Variants in CAST observed in about 807,000 individuals in gnomAD.
CAST encodes the protein calpastatin, also known as MIR583 host.
In CAST, 76 loss-of-function variants were observed where a neutral mutation model predicts 119.6. That is an observed-to-expected ratio of 0.64 (90% CI 0.53 to 0.77). The LOEUF (loss-of-function observed/expected upper bound fraction) is 0.77, where lower values mean the gene tolerates loss of function less well. Ranked by LOEUF, CAST falls within the 30% of genes least tolerant of loss-of-function variation. The pLI, the probability that CAST is intolerant of heterozygous loss-of-function variation, is 0.00. For missense variants in CAST, 953 were observed against 946.5 expected (o/e 1.01, Z -0.09); for synonymous variants, 319 against 331.6 (o/e 0.96, Z 0.41).
At chr5:96,630,687 G>A (rs1315610012) in intron 1 of CAST, among the ~76,000 whole-genome samples, 1 of 152,180 alleles carries the variant, frequency 6.6e-6, no homozygotes, top group Non-Finnish European at 1.5e-5. Flanking sequence ...TTGGGAGGCT[G>A]AGGTGGGAGG....
chr5:96,765,430 A>T (rs1281258653), intron 26 of CAST, 105 bp downstream of exon 26: 1 of 619,682 alleles, frequency 1.6e-6, no homozygotes. Context: ...AACTTAACCT[A>T]TATTTTAAAC....
chr5:96,353,831 T>C, the CAST span, among the ~76,000 whole-genome samples: 2 of 151,936 alleles, frequency 1.3e-5, no homozygotes, highest in Non-Finnish European at 2.9e-5. Context: ...TCAACCTCCA[T>C]AATTGCATGA....
chr5:96,734,349 C>T (rs1761209082), intron 9 of CAST, among the ~76,000 whole-genome samples: 2 of 152,116 alleles, frequency 1.3e-5, no homozygotes, highest in African/African-American at 4.8e-5. Context: ...TGAATCCGAG[C>T]TGCAGAAGGA....
the CAST span, among the ~76,000 whole-genome samples, chr5:96,404,436 C>T: frequency 2.0e-5 from 3 of 152,154 alleles, no homozygotes; most frequent in Admixed American, 1.3e-4. Flanking sequence ...TGAGAAACAT[C>T]GCTTTGGGGA....
chr5:96,506,521 G>A, the CAST span, among the ~76,000 whole-genome samples: 2 of 152,184 alleles, frequency 1.3e-5, no homozygotes, highest in Non-Finnish European at 2.9e-5. Flanking sequence ...CAACACATAT[G>A]TAGGGAACTG....
intron 1 of CAST, among the ~76,000 whole-genome samples, chr5:96,604,132 A>G (rs938448232): frequency 6.6e-6 from 1 of 152,146 alleles, no homozygotes; most frequent in Non-Finnish European, 1.5e-5. Flanking sequence ...TGAGTAATGC[A>G]TTGTGCTACA....
the CAST span, among the ~76,000 whole-genome samples, chr5:96,315,222 T>C: frequency 1.3e-5 from 2 of 152,248 alleles, no homozygotes; most frequent in Non-Finnish European, 2.9e-5. Context: ...AATTGTTTAG[T>C]ATAAGTATGT....
At chr5:96,534,751 A>AAGAGAAAG (rs772251093) in intron 1 of CAST, among the ~76,000 whole-genome samples, 334 of 24,340 alleles carry the variant, frequency 0.014, 34 homozygotes, top group African/African-American at 0.021. Context: ...GAAAGAAAGA[A>AAGAGAAAG]AGAAAGAAAG....
upstream of CAST, among the ~76,000 whole-genome samples, chr5:96,527,804 A>G (rs1439456245): frequency 6.6e-6 from 1 of 152,166 alleles, no homozygotes; most frequent in Non-Finnish European, 1.5e-5. Flanking sequence ...ATGAGGTGGG[A>G]CTATGCTGAT....
intron 1 of CAST, among the ~76,000 whole-genome samples, chr5:96,578,940 A>T (rs1746722394): frequency 6.6e-6 from 1 of 152,068 alleles, no homozygotes; most frequent in African/African-American, 2.4e-5. Context: ...TTGGCCTGTT[A>T]TTTGGTTTGC....
the CAST span, among the ~76,000 whole-genome samples, chr5:96,347,016 CT>C: frequency 6.6e-6 from 1 of 152,084 alleles, no homozygotes; most frequent in South Asian, 2.1e-4. Flanking sequence ...AGATAGCATA[CT>C]GGGCATCTTT....
At chr5:96,767,013 C>T (rs889172008) in intron 27 of CAST, among the ~76,000 whole-genome samples, 17 of 152,166 alleles carry the variant, frequency 1.1e-4, no homozygotes, top group South Asian at 1.0e-3. Flanking sequence ...ACCCTGCTTG[C>T]GTTCTTTGGG....
At chr5:96,142,638 C>T in the CAST span, among the ~76,000 whole-genome samples, 1 of 152,138 alleles carries the variant, frequency 6.6e-6, no homozygotes, top group East Asian at 1.9e-4. Flanking sequence ...ATATTTTCTT[C>T]TTCTTCAGCC....
intron 1 of CAST, among the ~76,000 whole-genome samples, chr5:96,586,295 T>C (rs557448640): frequency 6.6e-6 from 1 of 152,354 alleles, no homozygotes; most frequent in South Asian, 2.1e-4. Flanking sequence ...TTTTTGTATT[T>C]GGTTTAAATC....
the CAST span, among the ~76,000 whole-genome samples, chr5:96,149,118 G>A: frequency 6.6e-6 from 1 of 152,222 alleles, no homozygotes; most frequent in Non-Finnish European, 1.5e-5. Context: ...CTTGGCGTAT[G>A]GAGTCTTCTC....
chr5:95,966,041 G>A, the CAST span, among the ~76,000 whole-genome samples: 1 of 152,072 alleles, frequency 6.6e-6, no homozygotes, highest in Non-Finnish European at 1.5e-5. Flanking sequence ...TATGGGGAGG[G>A]CTCTCTAATC....
the CAST span, among the ~76,000 whole-genome samples, chr5:96,371,819 GACAA>G: frequency 1.3e-5 from 2 of 152,088 alleles, no homozygotes; most frequent in African/African-American, 4.8e-5. Flanking sequence ...AAAATCCAAA[GACAA>G]ACAGAAGAAA....
chr5:96,465,337 T>C, the CAST span, among the ~76,000 whole-genome samples: 1 of 152,076 alleles, frequency 6.6e-6, no homozygotes, highest in Non-Finnish European at 1.5e-5. Flanking sequence ...TACAAAACCA[T>C]ACATGTACAA....
the CAST span, among the ~76,000 whole-genome samples, chr5:96,472,715 A>C: frequency 6.6e-6 from 1 of 152,156 alleles, no homozygotes; most frequent in South Asian, 2.1e-4. Context: ...ACTTGCTCTG[A>C]GGAAAATATT....
Sources: gnomAD v4.1 joint callset for allele counts (sites outside exome capture counted in the v4.1 genomes callset) on GRCh38, gnomAD v4.1.1 for gene constraint, MANE v1.5 for transcripts, NCBI Gene and HGNC (gene_info 2026-07-23, HGNC 2026-07-21) for gene names.